Variants in FYB1 observed in about 807,000 individuals in gnomAD.
FYB1 encodes FYN binding protein 1.
A neutral mutation model predicts 94.1 loss-of-function variants in FYB1; 41 were observed. The ratio of observed to expected loss-of-function variants is 0.44; its 90% confidence interval spans 0.34 to 0.57. The LOEUF is 0.57. Ranked by LOEUF, FYB1 falls within the 20% of genes least tolerant of loss-of-function variation. The pLI is 0.02. For synonymous variants in FYB1, 367 were observed against 353.2 expected (o/e 1.04, Z -0.44); for missense variants, 1,050 against 976.8 (o/e 1.07, Z -1.00).
chr5:39,188,748 G>C (rs530126437), intron 2 of FYB1, among the ~76,000 whole-genome samples: 114 of 152,042 alleles, frequency 7.5e-4, no homozygotes, highest in African/African-American at 2.7e-3. Context: ...GGCCAGGCTG[G>C]TCTCGAACTC....
At position 39,255,728 on chromosome 5, in the gene FYB1, T is replaced by C. The variant is rs539417173; in HGVS notation, c.-28+18675A>G. Among the ~76,000 whole-genome samples the C allele has an allele frequency of 1.8e-4, 27 of 152,304 alleles. 1 individual carries two copies. The highest frequency in any genetic ancestry group is 1.3e-3 in the East Asian group (7 of 5,188). On this transcript the variant is annotated intron_variant, in intron 1 of 1. Coordinates refer to the FYB1 transcript ENST00000510188. ...AAAGCCAAAGGGAAACTATCTGAAC[T>C]GCATCACCAACTCCAATGTTTTCAG...
rs140275432 is a variant in FYB1 at position 39,145,125 on chromosome 5, C to A, written c.1293-3984G>T. Among the ~76,000 whole-genome samples the A allele has an allele frequency of 5.4e-3, 825 of 152,168 alleles. 7 individuals are homozygous for A. Among genetic ancestry groups the A allele is most frequent in the African/African-American group, 0.018 (765 of 41,518 alleles). On this transcript the variant is annotated intron_variant, in intron 3 of 18. Transcript: ENST00000512982. ...AGTTGGTGAAAGGAACGTGGAGGCT[C>A]GTTATACTATTCTTCCTGCCTTTTA... is the stretch of plus-strand genomic sequence containing the variant.
At chr5:39,135,053 T>C (rs1234696368) in intron 7 of FYB1, 39 bp from the exon 8 acceptor site, 3 of 1,598,614 alleles carry the variant, frequency 1.9e-6, no homozygotes, top group South Asian at 1.1e-5. Flanking sequence ...GATTTCCTTA[T>C]AATTTAGAAA....
chr5:39,168,635 C>A (rs934375296), intron 2 of FYB1, among the ~76,000 whole-genome samples: 1 of 152,148 alleles, frequency 6.6e-6, no homozygotes, highest in African/African-American at 2.4e-5. Flanking sequence ...CCAGGTTTTA[C>A]AGCTTCTAAG....
chr5:39,145,045 C>A (rs375995394), intron 3 of FYB1, among the ~76,000 whole-genome samples: 32 of 151,908 alleles, frequency 2.1e-4, no homozygotes, highest in African/African-American at 7.7e-4. Context: ...ATATAAGAGG[C>A]AAGTGGGTGA....
chr5:39,136,632 GAAGTT>G (rs1445494103), intron 7 of FYB1, among the ~76,000 whole-genome samples: 1 of 152,152 alleles, frequency 6.6e-6, no homozygotes, highest in East Asian at 1.9e-4. Context: ...GCGGCTCAGA[GAAGTT>G]AAGTGAGAAG....
chr5:39,273,398 G>T (rs1323711260), intron 1 of FYB1, among the ~76,000 whole-genome samples: 1 of 152,142 alleles, frequency 6.6e-6, no homozygotes, highest in East Asian at 1.9e-4. Context: ...AGTTTTTAAG[G>T]CATAATCATG....
chr5:39,137,651 CT>C lies in FYB1; in HGVS notation c.1463del (p.Lys488ArgfsTer13). Reference sequence around the variant, plus strand: ...CTTTCTTTTCTTTCTCTTTCTGTTCCTTTTTCTCCAGCTCTAACCTCTTCTT... The same window carrying C: ...CTTTCTTTTCTTTCTCTTTCTGTTCCTTTTCTCCAGCTCTAACCTCTTCTT... ...EEKKRLELEK[K>X]EQKEKEKKEQ... On this transcript the variant is annotated frameshift_variant, in exon 7 of 19. Transcript: ENST00000512982. LOFTEE classifies it high-confidence loss of function. The C allele has an allele frequency of 1.3e-6, 2 of 1,536,122 alleles. No individual in the cohort carries two copies. Among genetic ancestry groups the C allele is most frequent in the Non-Finnish European group, 8.8e-7 (1 of 1,133,610 alleles).
Position 39,202,464 on chromosome 5 carries a change from T to C in FYB1, c.497A>G (p.Gln166Arg). The change falls in exon 2 of 19, where the codon CAG becomes CGG. Residue 166 changes from glutamine to arginine, a missense_variant. Transcript: ENST00000512982. ...GPTPPTSENE[Q>R]KQAFPKLTGV... ...AGTCAATTTGGGAAACGCTTGCTTC[T>C]GTTCATTTTCTGAGGTTGGAGGAGT... 1.2e-6 allele frequency: 2 copies of C among 1,613,954 alleles called. No individual in the cohort carries two copies. Among genetic ancestry groups the C allele is most frequent in the Non-Finnish European group, 8.5e-7 (1 of 1,179,872 alleles).
At chr5:39,121,183 C>CAAAAAAAAAAA (rs56376626) in intron 14 of FYB1, among the ~76,000 whole-genome samples, 3 of 57,672 alleles carry the variant, frequency 5.2e-5, no homozygotes, top group Non-Finnish European at 1.0e-4. Context: ...TAATGTAAAG[C>CAAAAAAAAAAA]AAAAAAAAAA....
rs116294471 is a variant in FYB1, at chr5:39,236,780, C to G, written c.-27-33793G>C. Among the ~76,000 whole-genome samples the G allele has an allele frequency of 7.7e-3, 1,167 of 152,254 alleles. 24 individuals carry two copies. The highest frequency in any genetic ancestry group is 0.027 in the African/African-American group (1,106 of 41,546). On this transcript the variant is annotated intron_variant, in intron 1 of 1. Transcript: ENST00000510188. ...ATTGGACAAGGGGGCTGAGATAGCTCTCTGCTGCTTAGCCAGTTTTTATCC... is the reference window on the plus strand; with the variant it reads ...ATTGGACAAGGGGGCTGAGATAGCTGTCTGCTGCTTAGCCAGTTTTTATCC...
chr5:39,225,076 C>A (rs187992599), intron 1 of FYB1, among the ~76,000 whole-genome samples: 1 of 152,126 alleles, frequency 6.6e-6, no homozygotes, highest in Non-Finnish European at 1.5e-5. Context: ...TGTCTGCTTC[C>A]CCACTTCGCA....
chr5:39,162,659 TG>T (rs1401318839), intron 2 of FYB1, among the ~76,000 whole-genome samples: 1 of 151,200 alleles, frequency 6.6e-6, no homozygotes, highest in Non-Finnish European at 1.5e-5. Flanking sequence ...CACTCCAGCC[TG>T]GGCAACAGAG....
At chr5:39,130,883 T>G (rs1415424372) in intron 9 of FYB1, among the ~76,000 whole-genome samples, 1 of 152,128 alleles carries the variant, frequency 6.6e-6, no homozygotes, top group East Asian at 1.9e-4. Context: ...GCTTTTGACA[T>G]TTTTGTATGA....
At chr5:39,195,735 T>C (rs1747772084) in intron 2 of FYB1, among the ~76,000 whole-genome samples, 1 of 152,200 alleles carries the variant, frequency 6.6e-6, no homozygotes, top group Non-Finnish European at 1.5e-5. Flanking sequence ...AGGTTTTTAC[T>C]AAATCATACA....
intron 1 of FYB1, among the ~76,000 whole-genome samples, chr5:39,213,826 C>A (rs1749629149): frequency 6.6e-6 from 1 of 151,990 alleles, no homozygotes; most frequent in Admixed American, 6.6e-5. Flanking sequence ...TCATTGTCTG[C>A]CTGAGATGGT....
chr5:39,179,833 C>CATGTGCAGG (rs1746058883), intron 2 of FYB1, among the ~76,000 whole-genome samples: 1 of 152,146 alleles, frequency 6.6e-6, no homozygotes, highest in South Asian at 2.1e-4. Context: ...AGTCTATTCA[C>CATGTGCAGG]CCCTACCTCC....
intron 4 of FYB1, among the ~76,000 whole-genome samples, chr5:39,140,360 A>G (rs1353586196): frequency 6.6e-6 from 1 of 152,194 alleles, no homozygotes; most frequent in East Asian, 1.9e-4. Context: ...AGAAACCACA[A>G]AGGCTTATAA....
In FYB1 at chr5:39,141,122, T is replaced by A. The variant is rs202104682; in HGVS notation, c.1312A>T (p.Asn438Tyr). 256 of 1,594,030 alleles carry A rather than the reference T, an allele frequency of 1.6e-4. No homozygotes were observed. Among genetic ancestry groups the A allele is most frequent in the Non-Finnish European group, 2.4e-5 (28 of 1,168,792 alleles). ...FDLKSPVNED[N>Y]QDGVTHSDGA... ...TCAGAGTGCGTGACACCATCTTGAT[T>A]GTCTTCATTGACAGGGCTTCTGAAA... is the stretch of plus-strand genomic sequence containing the variant. Residue 438 changes from asparagine (N) to tyrosine (Y), a missense_variant, in exon 4 of 19, where the codon AAT (asparagine) becomes TAT (tyrosine). Transcript: ENST00000512982.
Sources: allele counts gnomAD v4.1 joint callset (sites outside exome capture counted in the v4.1 genomes callset), GRCh38; gene constraint gnomAD v4.1.1; transcripts MANE v1.5; gene names NCBI Gene and HGNC (gene_info 2026-07-23, HGNC 2026-07-21).